DLGAP1: variants seen among roughly 807,000 people sequenced by gnomAD.
The protein encoded by DLGAP1 is disks large-associated protein 1.
DLGAP1 carries 11 observed loss-of-function variants against 90.8 expected under a neutral mutation model. The observed-to-expected ratio is 0.12, with a 90% CI of 0.08 to 0.20. The LOEUF (loss-of-function observed/expected upper bound fraction) is 0.20. DLGAP1 is among the 10% of genes least tolerant of loss of function. The pLI is 1.00. For synonymous variants in DLGAP1, 558 were observed against 540.7 expected, an observed-to-expected ratio of 1.03 and a Z score of -0.44; for missense variants, 1,050 against 1,333.8, an observed-to-expected ratio of 0.79 and a Z score of 3.31.
chr18:3,659,433 A>ACACC (rs1555618642), intron 7 of DLGAP1, among the ~76,000 whole-genome samples: 1 of 130,026 alleles, frequency 7.7e-6, no homozygotes, highest in African/African-American at 3.3e-5. Flanking sequence ...ACACACACAC[A>ACACC]CGGATGCTAC....
intron 7 of DLGAP1, among the ~76,000 whole-genome samples, chr18:3,650,117 C>T (rs547456590): frequency 1.3e-5 from 2 of 152,148 alleles, no homozygotes; most frequent in East Asian, 1.9e-4. Flanking sequence ...AATCTCGGCT[C>T]ACCGCAACCT....
At position 4,228,344 on chromosome 18, in the gene DLGAP1, G is replaced by A. The variant is rs186236887; in HGVS notation, c.-266-77057C>T. 3.0e-3 allele frequency among the ~76,000 whole-genome samples: 456 copies of A among 152,096 alleles called. 2 individuals are homozygous for A. Among genetic ancestry groups the A allele is most frequent in the Non-Finnish European group, 4.9e-3 (330 of 67,918 alleles). On this transcript the variant is annotated intron_variant, in intron 1 of 12. Transcript: ENST00000315677. ...GAATACTTCCAACCTCATTCTATGA[G>A]ATCAGTATTGTCCTGATACCAAAAC...
At chr18:3,656,516 G>C (rs566070225) in intron 7 of DLGAP1, among the ~76,000 whole-genome samples, 2 of 152,270 alleles carry the variant, frequency 1.3e-5, no homozygotes, top group South Asian at 4.1e-4. Context: ...TGCATGTTAG[G>C]ACAGAGTTTC....
At position 3,582,089 on chromosome 18, in the gene DLGAP1, G is replaced by C; in HGVS notation, c.1751C>G (p.Ser584Cys). ...QGQRGDIISQ[S>C]GLSNSTESLD... The stretch of plus-strand genomic sequence containing the variant: ...GCTCTCGGTGGAGTTGCTGAGTCCA[G>C]ACTGGCTGATAATATCTCCTCGCTG... The change falls in exon 8 of 13, where the codon TCT becomes TGT. Residue 584 changes from serine to cysteine, a missense_variant. Physicochemically the swap from Ser to Cys is moderately radical, Grantham distance 112 (BLOSUM62 -1). Coordinates refer to ENST00000315677, the MANE Select transcript of DLGAP1 (RefSeq NM_004746.4). The C allele has an allele frequency of 6.2e-7, 1 of 1,611,230 alleles. No homozygotes were observed. Among genetic ancestry groups the C allele is most frequent in the Non-Finnish European group, 8.5e-7 (1 of 1,178,980 alleles).
chr18:3,807,616 T>C (rs2066627747), intron 5 of DLGAP1, among the ~76,000 whole-genome samples: 1 of 151,584 alleles, frequency 6.6e-6, no homozygotes, highest in African/African-American at 2.4e-5. Flanking sequence ...AGTTTTGGGA[T>C]ACGTGTACAG....
chr18:4,276,170 ATTTT>A (rs35566291), intron 1 of DLGAP1, among the ~76,000 whole-genome samples: 1 of 125,442 alleles, frequency 8.0e-6, no homozygotes, highest in Non-Finnish European at 1.7e-5. Context: ...AGGGGGCTTG[ATTTT>A]TTTTTTTTTT....
At chr18:3,548,464 A>G (rs2053186830) in intron 9 of DLGAP1, among the ~76,000 whole-genome samples, 1 of 151,732 alleles carries the variant, frequency 6.6e-6, no homozygotes, top group Non-Finnish European at 1.5e-5. Flanking sequence ...AAAAAGAAAA[A>G]AAAAAAAAAC....
chr18:4,260,267 A>T (rs539299075), intron 1 of DLGAP1, among the ~76,000 whole-genome samples: 1 of 152,198 alleles, frequency 6.6e-6, no homozygotes, highest in Non-Finnish European at 1.5e-5. Context: ...TGCTGAGGGA[A>T]CACAAAGGCA....
At chr18:3,923,133 C>CAAA (rs34107115) in intron 3 of DLGAP1, among the ~76,000 whole-genome samples, 27,967 of 70,796 alleles carry the variant, frequency 0.4, 6,285 homozygotes, top group Non-Finnish European at 0.48. Context: ...GAACCTGTCT[C>CAAA]AAAAAAAAAA....
intron 5 of DLGAP1, among the ~76,000 whole-genome samples, chr18:3,757,939 C>A (rs984556517): frequency 4.6e-5 from 7 of 152,058 alleles, no homozygotes; most frequent in African/African-American, 1.7e-4. Context: ...GATGGTGAAA[C>A]CTCGTCTCTA....
At chr18:3,854,170 G>C (rs917090871) in intron 4 of DLGAP1, among the ~76,000 whole-genome samples, 3 of 152,132 alleles carry the variant, frequency 2.0e-5, no homozygotes, top group Admixed American at 6.6e-5. Context: ...TTAAAATGTA[G>C]ACTGGATAGG....
At chr18:4,151,959 CAGAACTTAA>C (rs2076681819) in intron 1 of DLGAP1, among the ~76,000 whole-genome samples, 1 of 152,130 alleles carries the variant, frequency 6.6e-6, no homozygotes, top group Non-Finnish European at 1.5e-5. Flanking sequence ...ACATGTATCC[CAGAACTTAA>C]AGTAAAATAA....
chr18:4,361,038 C>G (rs2081620231), intron 1 of DLGAP1, among the ~76,000 whole-genome samples: 1 of 152,020 alleles, frequency 6.6e-6, no homozygotes, highest in African/African-American at 2.4e-5. Flanking sequence ...TAAACCTTAT[C>G]TATAGATACA....
intron 2 of DLGAP1, among the ~76,000 whole-genome samples, chr18:4,128,841 A>C (rs1397125601): frequency 6.6e-6 from 1 of 152,164 alleles, no homozygotes; most frequent in Non-Finnish European, 1.5e-5. Context: ...TGCATCACTG[A>C]AGATTACGCT....
intron 2 of DLGAP1, among the ~76,000 whole-genome samples, chr18:4,078,448 A>G (rs1032678091): frequency 2.0e-5 from 3 of 152,198 alleles, no homozygotes; most frequent in Admixed American, 6.5e-5. Flanking sequence ...GGACCTAGGA[A>G]TGGACGTTTT....
chr18:3,496,735 C>G lies in DLGAP1; in HGVS notation c.*2450G>C, dbSNP rs571356653. 3 of 147,624 alleles carry G rather than the reference C, an allele frequency of 2.0e-5. No homozygotes were observed. Among genetic ancestry groups the G allele is most frequent in the Admixed American group, 6.7e-5 (1 of 14,896 alleles). 9.1% of individuals were successfully genotyped at this position (147,624 alleles called of 1,614,324 possible). The stretch of plus-strand genomic sequence containing the variant: ...TAACAAAGGTTATGCTCATGAATGT[C>G]AGTTTCAGGGGTCAAGCAGCATTGT... On this transcript the variant is annotated 3_prime_UTR_variant, in exon 13 of 13. Coordinates refer to ENST00000315677, the MANE Select transcript of DLGAP1 (RefSeq NM_004746.4).
intron 4 of DLGAP1, chr18:3,845,603 C>G: frequency 1.0e-6 from 1 of 985,420 alleles, no homozygotes; most frequent in South Asian, 4.7e-5. Context: ...AATCATATTG[C>G]TATCTTTCAT....
chr18:3,637,422 C>T (rs569570754), intron 7 of DLGAP1, among the ~76,000 whole-genome samples: 19 of 151,942 alleles, frequency 1.3e-4, no homozygotes, highest in East Asian at 9.6e-4. Context: ...CCTATATCTA[C>T]GATTTTGCTC....
At chr18:3,859,061 C>T (rs2069857984) in intron 4 of DLGAP1, among the ~76,000 whole-genome samples, 1 of 152,084 alleles carries the variant, frequency 6.6e-6, no homozygotes, top group Non-Finnish European at 1.5e-5. Context: ...CAAAAATTAA[C>T]AATATTTAAG....
Sources: gnomAD v4.1 joint callset for allele counts (sites outside exome capture counted in the v4.1 genomes callset) on GRCh38, gnomAD v4.1.1 for gene constraint, MANE v1.5 for transcripts, NCBI Gene and HGNC (gene_info 2026-07-23, HGNC 2026-07-21) for gene names.